OSBPL3: variants seen among roughly 807,000 people sequenced by gnomAD.
OSBPL3 encodes oxysterol binding protein like 3.
A neutral mutation model predicts 120.1 loss-of-function variants in OSBPL3; 65 were observed. The ratio of observed to expected loss-of-function variants is 0.54; its 90% confidence interval spans 0.44 to 0.67. OSBPL3 has a LOEUF of 0.67. Ranked by LOEUF, OSBPL3 falls within the 30% of genes least tolerant of loss-of-function variation. OSBPL3 has a pLI of 0.00. For synonymous variants in OSBPL3, 416 were observed against 402.6 expected, an observed-to-expected ratio of 1.03 and a Z score of -0.40; for missense variants, 1,004 against 1,082.1, an observed-to-expected ratio of 0.93 and a Z score of 1.01.
Position 24,922,143 on chromosome 7 carries a change from G to A in OSBPL3, c.-149-29522C>T, listed in dbSNP as rs531824166. On this transcript the variant is annotated intron_variant, in intron 1 of 22. Transcript: ENST00000313367. The surrounding 1 kb of genome is among the most constrained non-coding windows in gnomAD (Gnocchi z 4.3). ...TAAAGTAACTTACATACAGTGTGAC[G>A]GGGATTAACAGGATTGGCCTGGCCT... Among the ~76,000 whole-genome samples, 62 of 152,268 alleles carry A rather than the reference G, an allele frequency of 4.1e-4. 1 individual carries two copies. The highest frequency in any genetic ancestry group is 2.3e-3 in the South Asian group (11 of 4,824).
In OSBPL3 at chr7:24,936,398, T is replaced by C. The variant is rs1314903788; in HGVS notation, c.-150+43488A>G. On this transcript the variant is annotated intron_variant, in intron 1 of 22. Transcript: ENST00000313367. The surrounding 1 kb of genome is among the most constrained non-coding windows in gnomAD (Gnocchi z 4.2). ...GCAAAGGTTCTCCAAGACCTCAACA[T>C]GCACAAGACAAAGATCTTGCTCTTA... Among the ~76,000 whole-genome samples, 3 of 152,198 alleles carry C rather than the reference T, an allele frequency of 2.0e-5. No individual in the cohort carries two copies. The highest frequency in any genetic ancestry group is 4.4e-5 in the Non-Finnish European group (3 of 68,038).
At chr7:24,902,227 C>T (rs1807131203) in intron 1 of OSBPL3, among the ~76,000 whole-genome samples, 1 of 152,118 alleles carries the variant, frequency 6.6e-6, no homozygotes, top group South Asian at 2.1e-4. Flanking sequence ...TGCACAACAT[C>T]ACAATAGGTA....
intron 2 of OSBPL3, among the ~76,000 whole-genome samples, chr7:24,876,508 G>C (rs948162746): frequency 6.7e-6 from 1 of 149,840 alleles, no homozygotes; most frequent in South Asian, 2.1e-4. Context: ...TTTTCAACTT[G>C]CTTAGAATCC....
chr7:24,883,190 G>A lies in OSBPL3; in HGVS notation c.96+9187C>T, dbSNP rs558016263. Among the ~76,000 whole-genome samples, 2 of 152,274 alleles carry A rather than the reference G, an allele frequency of 1.3e-5. No individual in the cohort carries two copies. Among genetic ancestry groups the A allele is most frequent in the African/African-American group, 2.4e-5 (1 of 41,546 alleles). ...CATCTGAAGTAGGAACAGAGAGGAG[G>A]TGATTTAGGGTGATGTGGGCTTGTG... On this transcript the variant is annotated intron_variant, in intron 2 of 22. Transcript: ENST00000313367. The surrounding 1 kb of genome is among the most constrained non-coding windows in gnomAD (Gnocchi z 5.4).
intron 1 of OSBPL3, among the ~76,000 whole-genome samples, chr7:24,974,222 G>A (rs1008541997): frequency 1.3e-5 from 2 of 152,138 alleles, no homozygotes; most frequent in African/African-American, 2.4e-5. Flanking sequence ...TTCAACGATC[G>A]TCAGCTCACG....
Position 24,808,215 on chromosome 7 carries a change from G to T in OSBPL3, c.2318-1313C>A, listed in dbSNP as rs1793309434. 1.3e-5 allele frequency among the ~76,000 whole-genome samples: 2 copies of T among 152,020 alleles called. No homozygotes were observed. The highest frequency in any genetic ancestry group is 2.9e-5 in the Non-Finnish European group (2 of 67,986). ...CATGCCCGACTGGGACCCATTTTTT[G>T]AATCTTCATAAGTCCTCCTTGTAAC... On this transcript the variant is annotated intron_variant, in intron 20 of 22. Coordinates refer to ENST00000313367, the MANE Select transcript of OSBPL3 (RefSeq NM_015550.4). This position sits in a 1 kb window ranked among gnomAD's most constrained non-coding sequence, Gnocchi z 4.6.
intron 1 of OSBPL3, among the ~76,000 whole-genome samples, chr7:24,949,635 G>A (rs565818471): frequency 6.6e-6 from 1 of 152,248 alleles, no homozygotes; most frequent in East Asian, 1.9e-4. Context: ...ACTAAAGACA[G>A]CATAAGTGTC....
intron 12 of OSBPL3, among the ~76,000 whole-genome samples, chr7:24,845,384 T>TTAAAAAAAAA (rs1798287457): frequency 1.6e-5 from 1 of 62,262 alleles, no homozygotes; most frequent in Non-Finnish European, 2.8e-5. Flanking sequence ...GCAAAATAAG[T>TTAAAAAAAAA]AAAAAAAAAA....
chr7:24,853,513 G>A (rs960641504), intron 10 of OSBPL3, among the ~76,000 whole-genome samples: 1 of 152,186 alleles, frequency 6.6e-6, no homozygotes, highest in Admixed American at 6.5e-5. Flanking sequence ...AGGCAAAAGA[G>A]GAATGACAAT....
Position 24,891,821 on chromosome 7 carries a change from G to T in OSBPL3, c.96+556C>A, listed in dbSNP as rs1286430923. Reference sequence around the variant, plus strand: ...CTTTGGACCATTTTTCTGTAGATTAGGTTACCTCATCCATTATAGATATAA... The same window carrying T: ...CTTTGGACCATTTTTCTGTAGATTATGTTACCTCATCCATTATAGATATAA... On this transcript the variant is annotated intron_variant, in intron 2 of 22. Coordinates refer to ENST00000313367, the MANE Select transcript of OSBPL3 (RefSeq NM_015550.4). This position sits in a 1 kb window ranked among gnomAD's most constrained non-coding sequence, Gnocchi z 4.1. Among the ~76,000 whole-genome samples, 3 of 152,120 alleles carry T rather than the reference G, an allele frequency of 2.0e-5. No individual in the cohort carries two copies. The East Asian group carries it at 5.8e-4, about 29-fold the overall frequency.
In OSBPL3 at chr7:24,800,120, T is replaced by C. The variant is rs1792113158; in HGVS notation, c.*63A>G. On this transcript the variant is annotated 3_prime_UTR_variant, in exon 23 of 23. Transcript: ENST00000313367. ...TCTTTTAAATATATAAACACAGGTT[T>C]GTGCCACTTCAGAAGGCAAGCACAG... 10 of 872,576 alleles carry C rather than the reference T, an allele frequency of 1.1e-5. No homozygotes were observed. Among genetic ancestry groups the C allele is most frequent in the Non-Finnish European group, 1.9e-5 (10 of 512,866 alleles). The allele number at this position is 872,576 out of a possible 1,614,324, so 54.1% of individuals were successfully genotyped here. A position where few individuals can be genotyped will look rare whatever the true frequency, so the allele number is the denominator to read the frequency against.
intron 5 of OSBPL3, among the ~76,000 whole-genome samples, chr7:24,868,680 T>A (rs564529053): frequency 6.6e-6 from 1 of 152,306 alleles, no homozygotes; most frequent in South Asian, 2.1e-4. Flanking sequence ...GGCTTTTTAA[T>A]GTGTCATTTA....
chr7:24,903,381 T>C (rs756949109), intron 1 of OSBPL3, among the ~76,000 whole-genome samples: 25 of 152,356 alleles, frequency 1.6e-4, no homozygotes, highest in Middle Eastern at 3.4e-3. Flanking sequence ...AAGTGGCCAA[T>C]GTTGCTTACT....
rs761621641 is a variant in OSBPL3 at position 24,834,299 on chromosome 7, A to G, written c.1746+187T>C. ...AGAAGCACCCCAACCCCGTCTCCAA[A>G]TCCTCACAAGGTGACTGGAAACAGC... On this transcript the variant is annotated intron_variant, in intron 15 of 22. Transcript: ENST00000313367. This position sits in a 1 kb window ranked among gnomAD's most constrained non-coding sequence, Gnocchi z 5.2. 1.3e-5 allele frequency: 18 copies of G among 1,434,744 alleles called. No individual in the cohort carries two copies. In the South Asian group the frequency reaches 2.7e-4, roughly 22 times the overall value. 88.9% of individuals were successfully genotyped at this position (1,434,744 alleles called of 1,614,324 possible).
chr7:24,970,507 T>C (rs1003671501), intron 1 of OSBPL3, among the ~76,000 whole-genome samples: 5 of 152,184 alleles, frequency 3.3e-5, no homozygotes, highest in African/African-American at 4.8e-5. Context: ...CCTGAGCTCC[T>C]ATAGCACTTT....
intron 1 of OSBPL3, among the ~76,000 whole-genome samples, chr7:24,929,172 G>A (rs1057011161): frequency 2.0e-5 from 3 of 152,194 alleles, no homozygotes; most frequent in African/African-American, 7.2e-5. Context: ...TTACATTTTA[G>A]TCATGCTGAT....
chr7:24,924,074 T>C (rs1810740264), intron 1 of OSBPL3, among the ~76,000 whole-genome samples: 1 of 152,208 alleles, frequency 6.6e-6, no homozygotes, highest in African/African-American at 2.4e-5. Flanking sequence ...ACTCAATGTT[T>C]ATAATAGGAA....
At chr7:24,903,552 G>T (rs1332920093) in intron 1 of OSBPL3, among the ~76,000 whole-genome samples, 1 of 152,230 alleles carries the variant, frequency 6.6e-6, no homozygotes, top group African/African-American at 2.4e-5. Flanking sequence ...TATTGACTCA[G>T]ATCTTGGTTT....
rs754705749 is a variant in OSBPL3, at chr7:24,804,264, A to C, written c.2567+51T>G. The C allele has an allele frequency of 6.2e-7, 1 of 1,610,332 alleles. No individual in the cohort carries two copies. The highest frequency in any genetic ancestry group is 8.5e-7 in the Non-Finnish European group (1 of 1,177,026). On this transcript the variant is annotated intron_variant, in intron 22 of 22. Transcript: ENST00000313367. This position sits in a 1 kb window ranked among gnomAD's most constrained non-coding sequence, Gnocchi z 5.4. ...TCACTTTCTGCAAACCAGAAGCATA[A>C]CGTGCTGGCACCACCTATCAACCAA...
Sources: allele counts gnomAD v4.1 joint callset (sites outside exome capture counted in the v4.1 genomes callset), GRCh38; gene constraint gnomAD v4.1.1; non-coding constraint Gnocchi (gnomAD v3.1); transcripts MANE v1.5; gene names NCBI Gene and HGNC (gene_info 2026-07-23, HGNC 2026-07-21).